Variants in LRRTM4 observed in about 807,000 individuals in gnomAD.
LRRTM4 encodes leucine rich repeat transmembrane neuronal 4.
In LRRTM4, 25 loss-of-function variants were observed where a neutral mutation model predicts 47.6. The observed-to-expected ratio is 0.53, with a 90% CI of 0.38 to 0.73. The LOEUF (loss-of-function observed/expected upper bound fraction) is 0.73, where lower values mean the gene tolerates loss of function less well. Among genes scored for constraint, LRRTM4 ranks in the 30% least tolerant of loss-of-function variants. LRRTM4 has a pLI of 0.00. For synonymous variants in LRRTM4, 311 were observed against 269.5 expected (o/e 1.15, Z -1.51); for missense variants, 638 against 713.4 (o/e 0.89, Z 1.20).
chr2:77,082,276 T>C (rs1680557300), intron 3 of LRRTM4, among the ~76,000 whole-genome samples: 1 of 152,120 alleles, frequency 6.6e-6, no homozygotes. Flanking sequence ...CTTGTATTAA[T>C]TCACGAACAA....
At chr2:77,305,822 T>C (rs1437704757) in intron 3 of LRRTM4, among the ~76,000 whole-genome samples, 1 of 151,986 alleles carries the variant, frequency 6.6e-6, no homozygotes, top group African/African-American at 2.4e-5. Flanking sequence ...ATTTTAATAA[T>C]AAAACAATAA....
intron 3 of LRRTM4, among the ~76,000 whole-genome samples, chr2:77,370,927 A>G (rs1208769991): frequency 1.3e-5 from 2 of 151,716 alleles, no homozygotes; most frequent in Admixed American, 1.3e-4. Context: ...GTTTCATGCC[A>G]TAGGCCCCTC....
chr2:76,776,919 T>G (rs1674035150), intron 3 of LRRTM4, among the ~76,000 whole-genome samples: 1 of 140,328 alleles, frequency 7.1e-6, no homozygotes, highest in Non-Finnish European at 1.5e-5. Context: ...TTAATCCATC[T>G]TGAATTGATT....
At chr2:76,932,688 G>A (rs1264572604) in intron 3 of LRRTM4, among the ~76,000 whole-genome samples, 28 of 151,536 alleles carry the variant, frequency 1.8e-4, no homozygotes, top group Non-Finnish European at 1.5e-5. Flanking sequence ...GTATATATAT[G>A]ACATGTTATA....
intron 3 of LRRTM4, among the ~76,000 whole-genome samples, chr2:76,807,375 AT>A (rs1184048368): frequency 7.7e-6 from 1 of 130,304 alleles, no homozygotes; most frequent in East Asian, 2.1e-4. Context: ...CATTATAAAC[AT>A]TCATTTTATA....
intron 3 of LRRTM4, among the ~76,000 whole-genome samples, chr2:77,193,184 G>A (rs941252564): frequency 6.6e-6 from 1 of 152,096 alleles, no homozygotes; most frequent in Non-Finnish European, 1.5e-5. Flanking sequence ...GGCTGTACAG[G>A]TTTGCAGCAT....
chr2:77,049,157 T>TATATATATATACACAC (rs1351971551), intron 3 of LRRTM4, among the ~76,000 whole-genome samples: 32 of 106,308 alleles, frequency 3.0e-4, no homozygotes, highest in African/African-American at 1.4e-3. Flanking sequence ...TATATATATA[T>TATATATATATACACAC]ACACACACAC....
chr2:77,350,553 A>G lies in LRRTM4; in HGVS notation c.1551+167765T>C, dbSNP rs1360282210. On this transcript the variant is annotated intron_variant, in intron 3 of 3. Coordinates refer to ENST00000409884, the MANE Select transcript of LRRTM4 (RefSeq NM_001134745.3). Reference sequence around the variant, plus strand: ...GAAATCCAAAAATCTATGAAAGGAAATGGAGATATATTTGAGTATAAAACT... The same window carrying G: ...GAAATCCAAAAATCTATGAAAGGAAGTGGAGATATATTTGAGTATAAAACT... Among the ~76,000 whole-genome samples the G allele has an allele frequency of 5.3e-5, 8 of 152,144 alleles. No individual in the cohort carries two copies. In the East Asian group the frequency reaches 1.5e-3, roughly 29 times the overall value.
chr2:77,123,455 T>C (rs1002479798), intron 3 of LRRTM4, among the ~76,000 whole-genome samples: 2 of 152,076 alleles, frequency 1.3e-5, no homozygotes, highest in Non-Finnish European at 2.9e-5. Flanking sequence ...ATTTCCCCCA[T>C]GTTTATGTAT....
chr2:76,871,733 C>G (rs1672629982), intron 3 of LRRTM4, among the ~76,000 whole-genome samples: 1 of 152,098 alleles, frequency 6.6e-6, no homozygotes, highest in Non-Finnish European at 1.5e-5. Flanking sequence ...ATTGTGTATT[C>G]CATACTATTG....
In LRRTM4 at chr2:77,003,332, C is replaced by G. The variant is rs1002649675; in HGVS notation, c.1552-254416G>C. Among the ~76,000 whole-genome samples the G allele has an allele frequency of 4.6e-5, 7 of 151,598 alleles. No individual in the cohort carries two copies. The East Asian group carries it at 1.4e-3, about 29-fold the overall frequency. ...CTACTTATGTAGAGCTTATAATATA[C>G]TAGGAAGTTGATATGTATTGGCTCT... On this transcript the variant is annotated intron_variant, in intron 3 of 3. Transcript: ENST00000409884.
chr2:77,084,701 GTCA>G (rs1188176940), intron 3 of LRRTM4, among the ~76,000 whole-genome samples: 2 of 152,120 alleles, frequency 1.3e-5, no homozygotes, highest in African/African-American at 2.4e-5. Context: ...ATCAGCTGGT[GTCA>G]TCATGAGATA....
chr2:77,036,894 ATTAT>A (rs957040160), intron 3 of LRRTM4, among the ~76,000 whole-genome samples: 4 of 151,718 alleles, frequency 2.6e-5, no homozygotes, highest in African/African-American at 9.7e-5. Flanking sequence ...AGACATATAG[ATTAT>A]TTATTAACCT....
intron 3 of LRRTM4, among the ~76,000 whole-genome samples, chr2:77,255,810 C>T (rs1467750487): frequency 6.6e-6 from 1 of 151,966 alleles, no homozygotes; most frequent in Non-Finnish European, 1.5e-5. Context: ...CAATTTATAG[C>T]ATTAACCAAA....
intron 3 of LRRTM4, among the ~76,000 whole-genome samples, chr2:77,221,446 G>A (rs1224909807): frequency 6.6e-6 from 1 of 152,124 alleles, no homozygotes. Context: ...TCAGTGTGCT[G>A]TATTCAGGAA....
intron 3 of LRRTM4, among the ~76,000 whole-genome samples, chr2:77,432,532 T>C (rs889534256): frequency 1.3e-5 from 2 of 152,234 alleles, no homozygotes; most frequent in African/African-American, 4.8e-5. Flanking sequence ...TTAGAGAAAA[T>C]GTCTGCATTG....
intron 3 of LRRTM4, among the ~76,000 whole-genome samples, chr2:77,379,360 TTA>T (rs1484628677): frequency 6.6e-6 from 1 of 152,104 alleles, no homozygotes; most frequent in Non-Finnish European, 1.5e-5. Context: ...TAGGTGCATT[TTA>T]TGATAAATAT....
chr2:76,893,366 G>T lies in LRRTM4; in HGVS notation c.1552-144450C>A, dbSNP rs7599614. Among the ~76,000 whole-genome samples the T allele has an allele frequency of 3.8e-3, 573 of 151,578 alleles. 1 individual carries two copies. The highest frequency in any genetic ancestry group is 0.013 in the African/African-American group (548 of 41,482). ...GCCATTATTAATTTTAGTAGAAGTG[G>T]ACACATTTCTAATAACCTAATAATC... is the stretch of plus-strand genomic sequence containing the variant. On this transcript the variant is annotated intron_variant, in intron 3 of 3. Coordinates refer to ENST00000409884, the MANE Select transcript of LRRTM4 (RefSeq NM_001134745.3).
chr2:77,081,824 G>T (rs977810087), intron 3 of LRRTM4, among the ~76,000 whole-genome samples: 9 of 152,042 alleles, frequency 5.9e-5, no homozygotes, highest in African/African-American at 2.2e-4. Context: ...TATCCTTTTA[G>T]ACCAATCAGA....
Sources: allele counts gnomAD v4.1 joint callset (sites outside exome capture counted in the v4.1 genomes callset), GRCh38; gene constraint gnomAD v4.1.1; transcripts MANE v1.5; gene names NCBI Gene and HGNC (gene_info 2026-07-23, HGNC 2026-07-21).